CSMD2: variants seen among roughly 807,000 people sequenced by gnomAD.
CSMD2 encodes CUB and Sushi multiple domains 2.
CSMD2 carries 130 observed loss-of-function variants against 398.5 expected under a neutral mutation model. That is an observed-to-expected ratio of 0.33 (90% confidence interval 0.28 to 0.38). CSMD2 has a LOEUF of 0.38. CSMD2 is among the 10% of genes least tolerant of loss of function. CSMD2 has a pLI of 1.00. For missense variants in CSMD2, 3,829 were observed against 4,764.9 expected, an observed-to-expected ratio of 0.80 and a Z score of 5.78; for synonymous variants, 1,828 against 1,908.5, an observed-to-expected ratio of 0.96 and a Z score of 1.10.
intron 2 of CSMD2, among the ~76,000 whole-genome samples, chr1:34,052,160 C>T (rs79068932): frequency 0.012 from 1,457 of 123,026 alleles, 21 homozygotes; most frequent in African/African-American, 0.047. Flanking sequence ...TATAATAAAG[C>T]ATATGTATAC....
At chr1:33,751,785 A>T (rs1459910115) in intron 13 of CSMD2, among the ~76,000 whole-genome samples, 1 of 145,522 alleles carries the variant, frequency 6.9e-6, no homozygotes, top group Non-Finnish European at 1.5e-5. Flanking sequence ...CGCCCAGCTA[A>T]TTTTTTTTTT....
chr1:34,141,694 AGG>A (rs1639311294), intron 1 of CSMD2, among the ~76,000 whole-genome samples: 1 of 151,938 alleles, frequency 6.6e-6, no homozygotes, highest in African/African-American at 2.4e-5. Flanking sequence ...GCACATGGAA[AGG>A]ACCTTGACTT....
intron 2 of CSMD2, among the ~76,000 whole-genome samples, chr1:34,051,645 A>T (rs896723205): frequency 6.6e-6 from 1 of 152,156 alleles, no homozygotes; most frequent in Non-Finnish European, 1.5e-5. Flanking sequence ...GGAAGAGTAA[A>T]CACCATTCCA....
At chr1:33,651,972 G>C (rs74066675) in intron 28 of CSMD2, among the ~76,000 whole-genome samples, 499 of 152,184 alleles carry the variant, frequency 3.3e-3, no homozygotes, top group African/African-American at 0.011. Flanking sequence ...CCTCTGGAGT[G>C]GGGTGGAAGG....
At chr1:33,814,920 C>A (rs893054732) in intron 9 of CSMD2, among the ~76,000 whole-genome samples, 1 of 152,126 alleles carries the variant, frequency 6.6e-6, no homozygotes, top group African/African-American at 2.4e-5. Flanking sequence ...ACCCCTCTTC[C>A]CTCACTATCC....
chr1:33,894,370 C>CT (rs1407822739), intron 5 of CSMD2, among the ~76,000 whole-genome samples: 1 of 152,180 alleles, frequency 6.6e-6, no homozygotes, highest in African/African-American at 2.4e-5. Context: ...TGCTCGAAGG[C>CT]TTTTTTCCCC....
At chr1:34,117,290 C>T (rs1445067761) in intron 1 of CSMD2, among the ~76,000 whole-genome samples, 2 of 151,916 alleles carry the variant, frequency 1.3e-5, no homozygotes, top group African/African-American at 2.4e-5. Context: ...CAATTGATGA[C>T]ACATAAGTAA....
intron 5 of CSMD2, among the ~76,000 whole-genome samples, chr1:33,883,180 T>C (rs1245945137): frequency 1.3e-5 from 2 of 152,222 alleles, no homozygotes; most frequent in African/African-American, 2.4e-5. Flanking sequence ...TTCCATAGAA[T>C]GGACATTTAG....
rs186133108 is a variant in CSMD2, at chr1:33,526,822, A to G, written c.10234+374T>C. 1.6e-3 allele frequency among the ~76,000 whole-genome samples: 246 copies of G among 152,370 alleles called. 1 individual carries two copies. Among genetic ancestry groups the G allele is most frequent in the African/African-American group, 5.5e-3 (227 of 41,590 alleles). ...CCAGTTCTGGATGTGATACTTGGAA[A>G]GACCCCAGACCTATCTTAAACTGTA... On this transcript the variant is annotated intron_variant, in intron 65 of 70. Coordinates refer to ENST00000373381, the MANE Select transcript of CSMD2 (RefSeq NM_001281956.2).
Position 33,909,846 on chromosome 1 carries a change from A to G in CSMD2, c.920+8248T>C, listed in dbSNP as rs755026833. Among the ~76,000 whole-genome samples the G allele has an allele frequency of 1.8e-4, 27 of 152,304 alleles. No individual in the cohort carries two copies. The South Asian group carries it at 1.9e-3, about 11-fold the overall frequency. The stretch of plus-strand genomic sequence containing the variant: ...ACCAAGGGCAGCTGTGTCCCAGCAC[A>G]TCCAGCCTTATCTTCTTCCTTCTTG... On this transcript the variant is annotated intron_variant, in intron 5 of 70. Transcript: ENST00000373381.
chr1:33,975,073 G>T (rs897313807), intron 3 of CSMD2, among the ~76,000 whole-genome samples: 1 of 152,158 alleles, frequency 6.6e-6, no homozygotes, highest in Non-Finnish European at 1.5e-5. Flanking sequence ...CCCCTGGCTG[G>T]GCAAGCTCCC....
chr1:33,786,439 T>C (rs532573990), intron 12 of CSMD2, among the ~76,000 whole-genome samples: 1 of 152,216 alleles, frequency 6.6e-6, no homozygotes, highest in Non-Finnish European at 1.5e-5. Flanking sequence ...GGTCTCCTGA[T>C]AGTTTTGTCT....
intron 1 of CSMD2, among the ~76,000 whole-genome samples, chr1:34,130,240 G>A (rs77941855): frequency 0.054 from 8,150 of 152,084 alleles, 281 homozygotes; most frequent in Non-Finnish European, 0.068. Flanking sequence ...TCAGAGCTAT[G>A]AAGAAGGTGA....
intron 14 of CSMD2, among the ~76,000 whole-genome samples, chr1:33,741,869 G>A (rs475622): frequency 0.31 from 47,413 of 152,034 alleles, 9,770 homozygotes; most frequent in African/African-American, 0.6. Flanking sequence ...TCCTGGATAA[G>A]TGTGCTCCCC....
chr1:33,962,161 T>A (rs116455265), intron 3 of CSMD2, among the ~76,000 whole-genome samples: 2,938 of 152,302 alleles, frequency 0.019, 41 homozygotes, highest in Non-Finnish European at 0.028. Context: ...GGACTCGTAC[T>A]GCAGGGCCAG....
At chr1:33,614,860 C>T (rs1408533454) in intron 39 of CSMD2, among the ~76,000 whole-genome samples, 1 of 152,338 alleles carries the variant, frequency 6.6e-6, no homozygotes, top group Non-Finnish European at 1.5e-5. Flanking sequence ...AAGTTATGGA[C>T]TCTTGACCTT....
At chr1:33,842,873 A>G (rs899289272) in intron 6 of CSMD2, among the ~76,000 whole-genome samples, 3 of 152,218 alleles carry the variant, frequency 2.0e-5, no homozygotes, top group African/African-American at 4.8e-5. Context: ...CTTTAGACGC[A>G]TGGAAGTAGT....
intron 19 of CSMD2, among the ~76,000 whole-genome samples, chr1:33,722,525 A>C (rs1571342899): frequency 2.0e-5 from 3 of 152,286 alleles, no homozygotes; most frequent in Non-Finnish European, 4.4e-5. Context: ...ATTATTAATG[A>C]GGTCCATGAT....
At chr1:33,551,595 G>T (rs1400277299) in intron 55 of CSMD2, among the ~76,000 whole-genome samples, 1 of 152,186 alleles carries the variant, frequency 6.6e-6, no homozygotes, top group Admixed American at 6.5e-5. Context: ...GTAGGTACTG[G>T]GATGGTAAGA....
Sources: allele counts gnomAD v4.1 joint callset (sites outside exome capture counted in the v4.1 genomes callset), GRCh38; gene constraint gnomAD v4.1.1; transcripts MANE v1.5; gene names NCBI Gene and HGNC (gene_info 2026-07-23, HGNC 2026-07-21).